Variants in PRKCE observed in about 807,000 individuals in gnomAD.
PRKCE encodes protein kinase C epsilon type.
A neutral mutation model predicts 85.4 loss-of-function variants in PRKCE; 16 were observed. That is an observed-to-expected ratio of 0.19 (90% CI 0.13 to 0.28). PRKCE has a LOEUF of 0.28. PRKCE is among the 10% of genes least tolerant of loss of function. PRKCE has a pLI of 1.00. For synonymous variants in PRKCE, 388 were observed against 371.5 expected, an observed-to-expected ratio of 1.04 and a Z score of -0.51; for missense variants, 573 against 975.2, an observed-to-expected ratio of 0.59 and a Z score of 5.49.
intron 10 of PRKCE, among the ~76,000 whole-genome samples, chr2:46,066,269 C>T (rs1667618542): frequency 6.6e-6 from 1 of 152,200 alleles, no homozygotes; most frequent in African/African-American, 2.4e-5. Flanking sequence ...TATACACCTA[C>T]TTGAGCACTG....
chr2:46,042,614 T>G (rs1008949902), intron 10 of PRKCE, among the ~76,000 whole-genome samples: 1 of 152,240 alleles, frequency 6.6e-6, no homozygotes, highest in African/African-American at 2.4e-5. Flanking sequence ...CTCTTGGTCC[T>G]TCTACTTAAT....
rs192086023 is a variant in PRKCE, at chr2:45,700,760, G to C, written c.348+48312G>C. ...GCAGGGTCTTTGCAGATGTAATCAA[G>C]TTAAGATGAAGTCACTGGGGTAGGC... On this transcript the variant is annotated intron_variant, in intron 1 of 14. Coordinates refer to ENST00000306156, the MANE Select transcript of PRKCE (RefSeq NM_005400.3). The C allele has an allele frequency of 1.8e-4, 28 of 152,308 alleles. No homozygotes were observed. The East Asian group carries it at 3.9e-3, about 21-fold the overall frequency. 9.4% of individuals were successfully genotyped at this position (152,308 alleles called of 1,614,324 possible).
At chr2:45,932,150 T>A (rs540105037) in intron 2 of PRKCE, among the ~76,000 whole-genome samples, 1 of 152,228 alleles carries the variant, frequency 6.6e-6, no homozygotes. Context: ...TGGAATAGTT[T>A]TACTTGGTTT....
At chr2:45,891,287 C>G (rs547344082) in intron 2 of PRKCE, among the ~76,000 whole-genome samples, 87 of 152,150 alleles carry the variant, frequency 5.7e-4, no homozygotes, top group African/African-American at 1.9e-3. Flanking sequence ...GTAATGTACC[C>G]CCTAGGGTTG....
intron 6 of PRKCE, among the ~76,000 whole-genome samples, chr2:46,000,475 C>G (rs2104720418): frequency 6.6e-6 from 1 of 151,708 alleles, no homozygotes; most frequent in East Asian, 1.9e-4. Flanking sequence ...AAAAACAACC[C>G]TCAACCTCTG....
rs1677151717 is a variant in PRKCE, at chr2:46,155,935, G to C, written c.1921-3671G>C. On this transcript the variant is annotated intron_variant, in intron 13 of 14. Coordinates refer to ENST00000306156, the MANE Select transcript of PRKCE (RefSeq NM_005400.3). This position sits in a 1 kb window ranked among gnomAD's most constrained non-coding sequence, Gnocchi z 4.7. ...ATCTCTTAGTGGGTGCAGCGCACCA[G>C]CATGGCACATGTATACATATGTAAC... 6.6e-6 allele frequency among the ~76,000 whole-genome samples: 1 copy of C among 150,768 alleles called. No homozygotes were observed. Among genetic ancestry groups the C allele is most frequent in the Non-Finnish European group, 1.5e-5 (1 of 67,946 alleles).
intron 2 of PRKCE, among the ~76,000 whole-genome samples, chr2:45,962,682 T>A (rs1244647731): frequency 6.6e-6 from 1 of 151,270 alleles, no homozygotes; most frequent in Non-Finnish European, 1.5e-5. Flanking sequence ...GAGAGAGGAG[T>A]TGCCAAGCCT....
intron 2 of PRKCE, among the ~76,000 whole-genome samples, chr2:45,846,089 A>G (rs1453862773): frequency 3.3e-5 from 5 of 152,280 alleles, no homozygotes; most frequent in Non-Finnish European, 5.9e-5. Flanking sequence ...TTTTACTTGC[A>G]TCGTAAGTAA....
chr2:46,104,682 C>G (rs1326689678), intron 11 of PRKCE, among the ~76,000 whole-genome samples: 1 of 152,214 alleles, frequency 6.6e-6, no homozygotes, highest in African/African-American at 2.4e-5. Context: ...TCCAGATGGC[C>G]AGGGATATTG....
At chr2:45,661,278 G>A (rs1332962854) in intron 1 of PRKCE, among the ~76,000 whole-genome samples, 1 of 151,924 alleles carries the variant, frequency 6.6e-6, no homozygotes, top group Non-Finnish European at 1.5e-5. Context: ...TGCCTCCCGG[G>A]TTCAAGCGAT....
At chr2:45,665,665 C>T (rs1286697866) in intron 1 of PRKCE, among the ~76,000 whole-genome samples, 4 of 152,184 alleles carry the variant, frequency 2.6e-5, no homozygotes, top group Non-Finnish European at 4.4e-5. Flanking sequence ...ACAGGATGCT[C>T]AGTTAAATTT....
chr2:45,793,718 C>G (rs1193575537), intron 1 of PRKCE, among the ~76,000 whole-genome samples: 1 of 152,156 alleles, frequency 6.6e-6, no homozygotes, highest in Admixed American at 6.5e-5. Context: ...TCGAGGCCAT[C>G]AGGAACCATC....
intron 1 of PRKCE, among the ~76,000 whole-genome samples, chr2:45,773,643 C>T (rs76187987): frequency 6.6e-6 from 1 of 152,170 alleles, no homozygotes; most frequent in Non-Finnish European, 1.5e-5. Context: ...TGTTTGGGAG[C>T]ATTCTAGAAT....
intron 2 of PRKCE, among the ~76,000 whole-genome samples, chr2:45,934,328 G>T (rs1002987133): frequency 3.3e-5 from 5 of 152,152 alleles, no homozygotes; most frequent in African/African-American, 1.2e-4. Flanking sequence ...TGAATGTGAC[G>T]GAAAAAGCCA....
intron 4 of PRKCE, 37 bp from the exon 5 acceptor site, chr2:45,980,259 G>C (rs754301695): frequency 2.5e-6 from 4 of 1,590,640 alleles, no homozygotes; most frequent in East Asian, 2.2e-5. Context: ...TCCCTTTCCT[G>C]AGTGTCATTC....
At chr2:45,742,401 C>T (rs967574994) in intron 1 of PRKCE, among the ~76,000 whole-genome samples, 2 of 151,382 alleles carry the variant, frequency 1.3e-5, no homozygotes, top group African/African-American at 2.4e-5. Context: ...TGCCACTGTA[C>T]TCCAGCCTGG....
chr2:45,939,018 C>T (rs964420622), intron 2 of PRKCE, among the ~76,000 whole-genome samples: 2 of 152,190 alleles, frequency 1.3e-5, no homozygotes, highest in African/African-American at 4.8e-5. Context: ...CTGACCTCAT[C>T]CAACCCTGCT....
intron 1 of PRKCE, among the ~76,000 whole-genome samples, chr2:45,797,324 G>T (rs569327157): frequency 6.6e-6 from 1 of 152,140 alleles, no homozygotes; most frequent in East Asian, 1.9e-4. Context: ...AGGGAGCCAC[G>T]CATGTCCTTG....
At chr2:45,948,801 T>A (rs980006014) in intron 2 of PRKCE, among the ~76,000 whole-genome samples, 1 of 152,220 alleles carries the variant, frequency 6.6e-6, no homozygotes, top group African/African-American at 2.4e-5. Flanking sequence ...TAAAAAAATA[T>A]ATACAAGACT....
Sources: gnomAD v4.1 joint callset for allele counts (sites outside exome capture counted in the v4.1 genomes callset) on GRCh38, gnomAD v4.1.1 for gene constraint, Gnocchi (gnomAD v3.1) non-coding constraint, MANE v1.5 for transcripts, NCBI Gene and HGNC (gene_info 2026-07-23, HGNC 2026-07-21) for gene names.